Variants in STARD13 observed in about 807,000 individuals in gnomAD.
STARD13 encodes the protein StAR related lipid transfer domain containing 13.
A neutral mutation model predicts 106.4 loss-of-function variants in STARD13; 62 were observed. The ratio of observed to expected loss-of-function variants is 0.58; its 90% CI spans 0.48 to 0.72. The LOEUF is 0.72. Ranked by LOEUF, STARD13 falls within the 30% of genes least tolerant of loss-of-function variation. STARD13 has a pLI of 0.00. For missense variants in STARD13, 1,387 were observed against 1,424.0 expected (o/e 0.97, Z 0.42); for synonymous variants, 565 against 553.0 (o/e 1.02, Z -0.31).
chr13:33,240,720 T>TATCCTTAAGTATTTTATCCTTAAGG (rs1566092552), intron 1 of STARD13, among the ~76,000 whole-genome samples: 4 of 142,284 alleles, frequency 2.8e-5, no homozygotes, highest in African/African-American at 7.5e-5. Flanking sequence ...TCCTTAAGTT[T>TATCCTTAAGTATTTTATCCTTAAGG]ATCCTTAAGT....
At chr13:33,132,398 A>T (rs1361752806) in intron 4 of STARD13, among the ~76,000 whole-genome samples, 1 of 151,564 alleles carries the variant, frequency 6.6e-6, no homozygotes, top group Non-Finnish European at 1.5e-5. Flanking sequence ...ATAAGGGGAA[A>T]CCCCTTTTGC....
At chr13:33,322,908 G>C (rs1275241033) in intron 1 of STARD13, among the ~76,000 whole-genome samples, 1 of 152,192 alleles carries the variant, frequency 6.6e-6, no homozygotes, top group African/African-American at 2.4e-5. Context: ...AGGGCATTAT[G>C]AACAAGCAGT....
the STARD13 span, among the ~76,000 whole-genome samples, chr13:33,500,261 G>A: frequency 0.26 from 39,429 of 152,018 alleles, 6,286 homozygotes; most frequent in Non-Finnish European, 0.36. Flanking sequence ...TAGAACCTAG[G>A]CCTGCTGAAA....
rs1244964843 is a variant in STARD13 at position 33,118,110 on chromosome 13, G to C, written c.2236C>G (p.Leu746Val). 1.2e-6 allele frequency: 2 copies of C among 1,614,222 alleles called. No individual in the cohort carries two copies. Among genetic ancestry groups the C allele is most frequent in the South Asian group, 2.2e-5 (2 of 91,084 alleles). The change falls in exon 8 of 14, where the codon CTT becomes GTT. Residue 746 changes from leucine (L) to valine (V), a missense_variant. Coordinates refer to ENST00000336934, the MANE Select transcript of STARD13 (RefSeq NM_178006.4). ...GTCTCACTGAGCTTGTTGGTGAAAAGAGGCTCAGGGAGGTCCCGGAAGAAC... is the reference window on the plus strand; with the variant it reads ...GTCTCACTGAGCTTGTTGGTGAAAACAGGCTCAGGGAGGTCCCGGAAGAAC... ...KQFFRDLPEP[L>V]FTNKLSETFL...
At chr13:33,528,261 T>TATATATATATATATATATATACAC in the STARD13 span, among the ~76,000 whole-genome samples, 6 of 128,270 alleles carry the variant, frequency 4.7e-5, no homozygotes, top group African/African-American at 1.8e-4. Context: ...TATATACATA[T>TATATATATATATATATATATACAC]ATATATATAT....
chr13:33,157,402 T>C (rs1882110654), intron 3 of STARD13, among the ~76,000 whole-genome samples: 1 of 152,242 alleles, frequency 6.6e-6, no homozygotes, highest in Non-Finnish European at 1.5e-5. Context: ...GCATGGTTGC[T>C]CACGCCTGTA....
chr13:33,389,347 C>G, the STARD13 span, among the ~76,000 whole-genome samples: 1 of 152,034 alleles, frequency 6.6e-6, no homozygotes, highest in Non-Finnish European at 1.5e-5. Flanking sequence ...ACTAATTGAA[C>G]AGTTTGAGGA....
intron 1 of STARD13, among the ~76,000 whole-genome samples, chr13:33,235,231 C>T (rs775101284): frequency 2.0e-4 from 30 of 152,300 alleles, no homozygotes; most frequent in Admixed American, 5.2e-4. Flanking sequence ...GAGCAAACTA[C>T]TAGTCCAAAG....
In STARD13 at chr13:33,129,720, G is replaced by A; in HGVS notation, c.957C>T (p.Cys319=). The part of the protein sequence containing the change: ...GDLQNSPPPA[C]RKGLPCSGKS... ...TGCCAGAGCATGGGAGCCCTTTTCTGCAGGCAGGTGGCGGCGAATTCTGGA... is the reference window on the plus strand; with the variant it reads ...TGCCAGAGCATGGGAGCCCTTTTCTACAGGCAGGTGGCGGCGAATTCTGGA... The change falls in exon 5 of 14, where the codon TGC becomes TGT. Residue 319 remains cysteine, a synonymous_variant. Transcript: ENST00000336934. 1 of 1,614,112 alleles carries A rather than the reference G, an allele frequency of 6.2e-7. No homozygotes were observed. The highest frequency in any genetic ancestry group is 8.5e-7 in the Non-Finnish European group (1 of 1,180,030).
the STARD13 span, among the ~76,000 whole-genome samples, chr13:33,453,783 G>T: frequency 6.6e-6 from 1 of 152,320 alleles, no homozygotes; most frequent in Non-Finnish European, 1.5e-5. Context: ...AAAAAAGAGT[G>T]TGTAACAGGG....
At chr13:33,148,702 A>T (rs978902464) in intron 3 of STARD13, among the ~76,000 whole-genome samples, 11 of 152,252 alleles carry the variant, frequency 7.2e-5, no homozygotes, top group Non-Finnish European at 1.5e-4. Context: ...CATATACTCG[A>T]GAAATTGCAC....
At chr13:33,123,344 C>T (rs1055827385) in intron 7 of STARD13, among the ~76,000 whole-genome samples, 14 of 152,112 alleles carry the variant, frequency 9.2e-5, no homozygotes, top group South Asian at 4.1e-4. Context: ...TAATCTTTTT[C>T]GGGACTTAAT....
intron 1 of STARD13, among the ~76,000 whole-genome samples, chr13:33,176,671 G>C (rs1884551838): frequency 6.6e-6 from 1 of 152,152 alleles, no homozygotes; most frequent in African/African-American, 2.4e-5. Context: ...AAGAGATGAA[G>C]TTCTCCACTG....
chr13:33,666,369 C>T, the STARD13 span, among the ~76,000 whole-genome samples: 1 of 152,218 alleles, frequency 6.6e-6, no homozygotes, highest in Non-Finnish European at 1.5e-5. Flanking sequence ...TCTCGGCTCA[C>T]TGCAAGCTCC....
At chr13:33,169,386 T>C (rs1196447247) in intron 1 of STARD13, among the ~76,000 whole-genome samples, 1 of 152,290 alleles carries the variant, frequency 6.6e-6, no homozygotes, top group South Asian at 2.1e-4. Context: ...TCAGAGGAAA[T>C]AGGAAAACAT....
intron 1 of STARD13, among the ~76,000 whole-genome samples, chr13:33,274,652 A>G (rs1045936167): frequency 2.6e-5 from 4 of 151,270 alleles, no homozygotes; most frequent in African/African-American, 9.8e-5. Context: ...CCCTTACATG[A>G]TAGAAGAGAA....
the STARD13 span, among the ~76,000 whole-genome samples, chr13:33,524,955 C>T: frequency 6.6e-6 from 1 of 152,166 alleles, no homozygotes; most frequent in South Asian, 2.1e-4. Context: ...TGAATTTATT[C>T]CTCCTGCCTA....
the STARD13 span, among the ~76,000 whole-genome samples, chr13:33,647,956 G>C: frequency 6.6e-6 from 1 of 151,988 alleles, no homozygotes; most frequent in African/African-American, 2.4e-5. Context: ...TTTTAATATA[G>C]TCTTATCTCA....
At chr13:33,649,019 C>T in the STARD13 span, among the ~76,000 whole-genome samples, 2 of 151,754 alleles carry the variant, frequency 1.3e-5, no homozygotes, top group East Asian at 1.9e-4. Flanking sequence ...GGCTTGAACT[C>T]CCGACCTGAG....
Sources: gnomAD v4.1 joint callset for allele counts (sites outside exome capture counted in the v4.1 genomes callset) on GRCh38, gnomAD v4.1.1 for gene constraint, MANE v1.5 for transcripts, NCBI Gene and HGNC (gene_info 2026-07-23, HGNC 2026-07-21) for gene names.